TET3: variants seen among roughly 807,000 people sequenced by gnomAD.
TET3 encodes the protein methylcytosine dioxygenase TET3.
In TET3, 19 loss-of-function variants were observed where a neutral mutation model predicts 141.4. That is an observed-to-expected ratio of 0.13 (90% CI 0.09 to 0.20). The LOEUF (loss-of-function observed/expected upper bound fraction) is 0.20. Ranked by LOEUF, TET3 falls within the 10% of genes least tolerant of loss-of-function variation. TET3 has a pLI of 1.00. For missense variants in TET3, 1,874 were observed against 2,356.9 expected, an observed-to-expected ratio of 0.80 and a Z score of 4.24; for synonymous variants, 1,043 against 980.9, an observed-to-expected ratio of 1.06 and a Z score of -1.18.
At position 74,105,969 on chromosome 2, in the gene TET3, A is replaced by G. The variant is rs1316733618; in HGVS notation, c.*3793A>G. The G allele has an allele frequency of 1.3e-5, 2 of 153,614 alleles. No homozygotes were observed. The allele number at this position is 153,614 out of a possible 1,614,324, so 9.5% of individuals were successfully genotyped here. On this transcript the variant is annotated 3_prime_UTR_variant, in exon 12 of 12. Coordinates refer to ENST00000409262, the MANE Select transcript of TET3 (RefSeq NM_001287491.2). ...CTAGGAAGCATTTTTATGAATTGAA[A>G]TAGTCTAAATAAAATGGTGCTATGG...
intron 3 of TET3, among the ~76,000 whole-genome samples, chr2:74,004,591 G>A (rs1023417081): frequency 1.3e-5 from 2 of 152,190 alleles, no homozygotes; most frequent in African/African-American, 4.8e-5. Flanking sequence ...GAGCCAGGGG[G>A]CATCGGCTTC....
chr2:74,089,148 G>A (rs1690335324), intron 7 of TET3, among the ~76,000 whole-genome samples: 1 of 149,708 alleles, frequency 6.7e-6, no homozygotes, highest in South Asian at 2.1e-4. Flanking sequence ...CCCCATGCAT[G>A]CCCTTTATAA....
rs758267387 is a variant in TET3 at position 74,046,458 on chromosome 2, G to A, written c.541G>A (p.Asp181Asn). ...TCCTTGGCGGGTAGACCAAAAGCCC[G>A]ACTGGGAGGCTGCCCCAGGCCCAGC... is the stretch of plus-strand genomic sequence containing the variant. ...GGPWRVDQKP[D>N]WEAAPGPAHT... Residue 181 changes from aspartate (D) to asparagine (N), a missense_variant, in exon 4 of 12, where the codon GAC becomes AAC. By Grantham distance (23) the Asp-to-Asn change is conservative. Around this residue, in one of 10 missense-constraint regions of TET3, gnomAD observed 366 missense variants for 487.0 expected, o/e 0.75. Coordinates refer to ENST00000409262, the MANE Select transcript of TET3 (RefSeq NM_001287491.2). This position sits in a 1 kb window ranked among gnomAD's most constrained non-coding sequence, Gnocchi z 4.3. 7 of 1,610,270 alleles carry A rather than the reference G, an allele frequency of 4.3e-6. No individual in the cohort carries two copies. The highest frequency in any genetic ancestry group is 4.5e-5 in the East Asian group (2 of 44,874).
rs181260201 is a variant in TET3, at chr2:74,084,828, T to C, written c.2680-3002T>C. ...AGCATGCGCCTGTAGTCCCAGCTAC[T>C]CTGGAGACAGTGGGGAGAATTGCCT... On this transcript the variant is annotated intron_variant, in intron 6 of 11. Transcript: ENST00000409262. 4.0e-3 allele frequency among the ~76,000 whole-genome samples: 604 copies of C among 152,096 alleles called. 2 individuals are homozygous for C. The highest frequency in any genetic ancestry group is 0.014 in the African/African-American group (590 of 41,518).
chr2:74,058,148 C>T (rs144796359), intron 4 of TET3, among the ~76,000 whole-genome samples: 48 of 152,244 alleles, frequency 3.2e-4, no homozygotes, highest in African/African-American at 1.2e-3. Flanking sequence ...TGAGAAGCTA[C>T]AAAAAGCAGA....
chr2:74,132,203 T>G, the TET3 span, among the ~76,000 whole-genome samples: 6 of 152,152 alleles, frequency 3.9e-5, no homozygotes, highest in African/African-American at 1.4e-4. Flanking sequence ...AGCTAGAGGC[T>G]GCAATTTTAT....
At chr2:74,028,553 G>C (rs563977161) in intron 3 of TET3, among the ~76,000 whole-genome samples, 5 of 152,280 alleles carry the variant, frequency 3.3e-5, no homozygotes, top group East Asian at 3.9e-4. Flanking sequence ...CCAATTAAAA[G>C]ACTGTTCTTT....
downstream of TET3, among the ~76,000 whole-genome samples, chr2:74,109,593 C>A (rs574500305): frequency 6.6e-6 from 1 of 151,816 alleles, no homozygotes; most frequent in Admixed American, 6.6e-5. Flanking sequence ...ATGTAAATCC[C>A]ACTCAGTCTA....
rs960033362 is a variant in TET3, at chr2:74,099,324, G to A, written c.3316G>A (p.Glu1106Lys). Residue 1106 changes from glutamate (E) to lysine (K), a missense_variant, in exon 11 of 12, where the codon GAG (glutamate) becomes AAG (lysine). Glu to Lys is a moderately conservative substitution (Grantham distance 56). Around this residue, in one of 10 missense-constraint regions of TET3, gnomAD observed 53 missense variants for 112.8 expected, o/e 0.47. Coordinates refer to ENST00000409262, the MANE Select transcript of TET3 (RefSeq NM_001287491.2). ...EDNRCVGKIP[E>K]DEQLHVLPLY... ...CAATCGCTGCGTGGGCAAGATTCCCGAGGATGAGCAGCTGCATGTTCTCCC... is the reference window on the plus strand; with the variant it reads ...CAATCGCTGCGTGGGCAAGATTCCCAAGGATGAGCAGCTGCATGTTCTCCC... 3 of 1,612,456 alleles carry A rather than the reference G, an allele frequency of 1.9e-6. No individual in the cohort carries two copies. Among genetic ancestry groups the A allele is most frequent in the Non-Finnish European group, 1.7e-6 (2 of 1,179,268 alleles).
chr2:74,027,517 C>T (rs1451056387), intron 3 of TET3, among the ~76,000 whole-genome samples: 7 of 152,100 alleles, frequency 4.6e-5, no homozygotes, highest in African/African-American at 1.2e-4. Context: ...ATAGCATTCA[C>T]TCCTCTTTGT....
rs2104241250 is a variant in TET3 at position 74,102,428 on chromosome 2, ATATT to A, written c.*256_*259del. On this transcript the variant is annotated 3_prime_UTR_variant, in exon 12 of 12. Coordinates refer to ENST00000409262, the MANE Select transcript of TET3 (RefSeq NM_001287491.2). ...GTCGGGTGATTTTTCCGTGATCTTA[ATATT>A]TATATCTCCAAGTTGTCCCCCCCCC... The A allele has an allele frequency of 2.7e-6, 1 of 367,794 alleles. No homozygotes were observed. Among genetic ancestry groups the A allele is most frequent in the Non-Finnish European group, 4.5e-6 (1 of 221,276 alleles). The allele number at this position is 367,794 out of a possible 1,614,324, so 22.8% of individuals were successfully genotyped here.
intron 4 of TET3, among the ~76,000 whole-genome samples, chr2:74,072,511 TAA>T (rs756082699): frequency 3.7e-4 from 49 of 131,054 alleles, no homozygotes; most frequent in Non-Finnish European, 3.3e-4. Flanking sequence ...AAACTCCATC[TAA>T]AAAAAAAAAA....
chr2:74,034,448 T>C (rs1486120142), intron 3 of TET3, among the ~76,000 whole-genome samples: 1 of 152,144 alleles, frequency 6.6e-6, no homozygotes, highest in Non-Finnish European at 1.5e-5. Flanking sequence ...TTGAATTTTG[T>C]TATCATTCCC....
the TET3 span, among the ~76,000 whole-genome samples, chr2:74,116,012 C>CA: frequency 0.38 from 32,279 of 84,270 alleles, 5,151 homozygotes; most frequent in African/African-American, 0.51. Flanking sequence ...GATCTGGTCT[C>CA]AAAAAAAAAA....
At chr2:74,090,671 C>A (rs1690438120) in intron 8 of TET3, among the ~76,000 whole-genome samples, 1 of 152,208 alleles carries the variant, frequency 6.6e-6, no homozygotes, top group Non-Finnish European at 1.5e-5. Flanking sequence ...AGCCCCAAGA[C>A]AGCAGGGGAA....
chr2:74,099,262 A>G lies in TET3; in HGVS notation c.3268-14A>G, dbSNP rs755891834. ...CCCAACCCCATGTCCTCTCTCCCCC[A>G]CTGCTTGGGGCAGGTCTGCACCCTG... On this transcript the variant is annotated splice_polypyrimidine_tract_variant and intron_variant, in intron 10 of 11. Coordinates refer to ENST00000409262, the MANE Select transcript of TET3 (RefSeq NM_001287491.2). The G allele has an allele frequency of 1.3e-6, 2 of 1,563,544 alleles. No individual in the cohort carries two copies. The highest frequency in any genetic ancestry group is 1.4e-5 in the African/African-American group (1 of 73,608).
chr2:73,992,051 C>T (rs1480978664), intron 2 of TET3, among the ~76,000 whole-genome samples: 2 of 152,044 alleles, frequency 1.3e-5, no homozygotes, highest in African/African-American at 4.8e-5. Flanking sequence ...GTCCAGTGGC[C>T]AGAATGTGCT....
chr2:73,999,987 A>G (rs767463310), intron 2 of TET3, among the ~76,000 whole-genome samples: 1 of 152,082 alleles, frequency 6.6e-6, no homozygotes, highest in Non-Finnish European at 1.5e-5. Context: ...GGCTGCTGGA[A>G]GGCAGGGTGG....
chr2:74,092,593 C>T (rs143244670), intron 8 of TET3, among the ~76,000 whole-genome samples: 85 of 152,236 alleles, frequency 5.6e-4, no homozygotes, highest in African/African-American at 1.8e-3. Context: ...GTTCAGCACT[C>T]GAAAGCAAGA....
Sources: gnomAD v4.1 joint callset for allele counts (sites outside exome capture counted in the v4.1 genomes callset) on GRCh38, gnomAD v4.1.1 for gene constraint, gnomAD v4.1.1 regional missense constraint, Gnocchi (gnomAD v3.1) non-coding constraint, MANE v1.5 for transcripts, NCBI Gene and HGNC (gene_info 2026-07-23, HGNC 2026-07-21) for gene names.